The following HS6ST3 variants were observed in gnomAD, a reference collection of about 807,000 sequenced individuals.
HS6ST3 encodes heparan sulfate 6-O-sulfotransferase 3.
Under a neutral mutation model 36.7 loss-of-function variants are expected in HS6ST3, and 12 were observed. The observed-to-expected ratio is 0.33, with a 90% CI of 0.21 to 0.53. The LOEUF (loss-of-function observed/expected upper bound fraction) is 0.53. Among genes scored for constraint, HS6ST3 ranks in the 20% least tolerant of loss-of-function variants. HS6ST3 has a pLI of 0.95. For missense variants in HS6ST3, 584 were observed against 640.9 expected, an observed-to-expected ratio of 0.91 and a Z score of 0.96; for synonymous variants, 240 against 257.5, an observed-to-expected ratio of 0.93 and a Z score of 0.65.
Position 96,354,579 on chromosome 13 carries a change from T to A in HS6ST3, c.707+263010T>A, listed in dbSNP as rs192886174. Among the ~76,000 whole-genome samples the A allele has an allele frequency of 1.4e-3, 208 of 152,292 alleles. 2 individuals carry two copies. Among genetic ancestry groups the A allele is most frequent in the African/African-American group, 4.7e-3 (196 of 41,582 alleles). ...TATGAAACTCCATATATCTTCAAAT[T>A]TATGTCTGGCCCCATGAAGAATTAC... On this transcript the variant is annotated intron_variant, in intron 1 of 1. Transcript: ENST00000376705.
At chr13:96,609,362 G>GT (rs1461347851) in intron 1 of HS6ST3, among the ~76,000 whole-genome samples, 2 of 152,030 alleles carry the variant, frequency 1.3e-5, no homozygotes, top group African/African-American at 4.8e-5. Context: ...ATAAAGAGAG[G>GT]TTTTCTCTGC....
chr13:96,665,279 A>C lies in HS6ST3; in HGVS notation c.708-167211A>C, dbSNP rs148813123. On this transcript the variant is annotated intron_variant, in intron 1 of 1. Transcript: ENST00000376705. ...ATGCATTCATTGATGTATAAGATAC[A>C]TTTCAATTGAATGCCTACATTGTGC... 3.1e-3 allele frequency among the ~76,000 whole-genome samples: 467 copies of C among 152,342 alleles called. 1 individual carries two copies. Among genetic ancestry groups the C allele is most frequent in the African/African-American group, 1.0e-2 (414 of 41,580 alleles).
chr13:96,810,754 A>G (rs1476070448), intron 1 of HS6ST3, among the ~76,000 whole-genome samples: 1 of 152,122 alleles, frequency 6.6e-6, no homozygotes, highest in African/African-American at 2.4e-5. Context: ...GCCAACTGAG[A>G]GCTTGCATGT....
At chr13:96,273,572 G>A (rs1244628016) in intron 1 of HS6ST3, among the ~76,000 whole-genome samples, 2 of 151,914 alleles carry the variant, frequency 1.3e-5, no homozygotes, top group Admixed American at 1.3e-4. Context: ...GTTCCTTTAA[G>A]CTACTGAGGC....
intron 1 of HS6ST3, among the ~76,000 whole-genome samples, chr13:96,343,010 CA>C (rs1461559454): frequency 3.3e-5 from 5 of 152,222 alleles, no homozygotes; most frequent in Admixed American, 2.0e-4. Flanking sequence ...AGGGTCTTGG[CA>C]TAACAGCCAA....
At chr13:96,805,265 T>C (rs977773605) in intron 1 of HS6ST3, among the ~76,000 whole-genome samples, 6 of 152,118 alleles carry the variant, frequency 3.9e-5, no homozygotes, top group African/African-American at 1.4e-4. Context: ...CTTGCTGTTC[T>C]TGTGATAGTG....
intron 1 of HS6ST3, among the ~76,000 whole-genome samples, chr13:96,736,808 T>A (rs1220107379): frequency 6.6e-6 from 1 of 152,052 alleles, no homozygotes; most frequent in Non-Finnish European, 1.5e-5. Flanking sequence ...TTGGAAACAG[T>A]GAAAAGCACA....
chr13:96,739,857 A>G (rs1350676253), intron 1 of HS6ST3, among the ~76,000 whole-genome samples: 1 of 152,070 alleles, frequency 6.6e-6, no homozygotes, highest in Non-Finnish European at 1.5e-5. Flanking sequence ...CTTCATCACC[A>G]TGACAAATCC....
At chr13:96,506,793 A>G (rs920209073) in intron 1 of HS6ST3, among the ~76,000 whole-genome samples, 15 of 152,164 alleles carry the variant, frequency 9.9e-5, no homozygotes, top group African/African-American at 2.9e-4. Context: ...CTGAAAACCA[A>G]TCACTCCTCT....
intron 1 of HS6ST3, among the ~76,000 whole-genome samples, chr13:96,417,282 C>T (rs1313344879): frequency 6.6e-6 from 1 of 152,036 alleles, no homozygotes; most frequent in Non-Finnish European, 1.5e-5. Context: ...AGGTTTAGAG[C>T]AAAACAAAGA....
chr13:96,486,612 G>A (rs7322913), intron 1 of HS6ST3, among the ~76,000 whole-genome samples: 117,653 of 152,152 alleles, frequency 0.77, 47,855 homozygotes, highest in Non-Finnish European at 0.9. Context: ...TTCTCTGATG[G>A]CCAGTGATGA....
At chr13:96,435,022 C>T (rs949855627) in intron 1 of HS6ST3, among the ~76,000 whole-genome samples, 4 of 151,874 alleles carry the variant, frequency 2.6e-5, no homozygotes, top group Non-Finnish European at 4.4e-5. Context: ...AGTAAATTTG[C>T]AATCCTACTA....
At chr13:96,570,387 G>A (rs1294315436) in intron 1 of HS6ST3, among the ~76,000 whole-genome samples, 1 of 152,134 alleles carries the variant, frequency 6.6e-6, no homozygotes, top group African/African-American at 2.4e-5. Context: ...ATAACTTATA[G>A]CTTCCATCAG....
chr13:96,664,989 T>C (rs766090608), intron 1 of HS6ST3, among the ~76,000 whole-genome samples: 7 of 152,004 alleles, frequency 4.6e-5, no homozygotes, highest in Non-Finnish European at 1.0e-4. Context: ...CCGGGCAACA[T>C]GGTGAAACCG....
At chr13:96,492,723 C>T (rs2138906755) in intron 1 of HS6ST3, among the ~76,000 whole-genome samples, 1 of 152,250 alleles carries the variant, frequency 6.6e-6, no homozygotes, top group Middle Eastern at 3.4e-3. Context: ...TGATTTGAGT[C>T]TTCTTATATA....
chr13:96,424,607 G>A (rs976318868), intron 1 of HS6ST3, among the ~76,000 whole-genome samples: 10 of 152,246 alleles, frequency 6.6e-5, no homozygotes, highest in Admixed American at 4.6e-4. Flanking sequence ...TCTGCTAACA[G>A]CCCACTTCCT....
chr13:96,753,218 G>C (rs981588917), intron 1 of HS6ST3, among the ~76,000 whole-genome samples: 6 of 152,100 alleles, frequency 3.9e-5, no homozygotes, highest in African/African-American at 9.7e-5. Context: ...TTGCCTTGTT[G>C]CCTTTTTATA....
Position 96,591,159 on chromosome 13 carries a change from C to T in HS6ST3, c.708-241331C>T, listed in dbSNP as rs536228403. 5.3e-5 allele frequency among the ~76,000 whole-genome samples: 8 copies of T among 151,846 alleles called. No homozygotes were observed. The East Asian group carries it at 1.5e-3, about 29-fold the overall frequency. Reference sequence around the variant, plus strand: ...TTCTAGTTTTGGTCTTTTTGCTCAGCATAGCTTTGACTATTCTGAGTCTTT... The same window carrying T: ...TTCTAGTTTTGGTCTTTTTGCTCAGTATAGCTTTGACTATTCTGAGTCTTT... On this transcript the variant is annotated intron_variant, in intron 1 of 1. Transcript: ENST00000376705.
chr13:96,329,546 A>G lies in HS6ST3; in HGVS notation c.707+237977A>G, dbSNP rs942723448. Among the ~76,000 whole-genome samples, 5 of 144,362 alleles carry G rather than the reference A, an allele frequency of 3.5e-5. 1 individual carries two copies. Among genetic ancestry groups the G allele is most frequent in the African/African-American group, 1.4e-4 (5 of 37,010 alleles). The allele number at this position is 144,362 out of a possible 152,430, so 94.7% of individuals were successfully genotyped here. A position where few individuals can be genotyped will look rare whatever the true frequency, so the allele number is the denominator to read the frequency against. On this transcript the variant is annotated intron_variant, in intron 1 of 1. Coordinates refer to ENST00000376705, the MANE Select transcript of HS6ST3 (RefSeq NM_153456.4). ...GTTTGATTGCGCTGTGGTCTGAGAG[A>G]TAGTTTGTTATAATCTCTGTTCTTT...
Sources: allele counts gnomAD v4.1 joint callset (sites outside exome capture counted in the v4.1 genomes callset), GRCh38; gene constraint gnomAD v4.1.1; transcripts MANE v1.5; gene names NCBI Gene and HGNC (gene_info 2026-07-23, HGNC 2026-07-21).